SIPA1L3: variants seen among roughly 807,000 people sequenced by gnomAD.
SIPA1L3 encodes the protein signal-induced proliferation-associated 1-like protein 3.
Under a neutral mutation model 150.1 loss-of-function variants are expected in SIPA1L3, and 59 were observed. The observed-to-expected ratio is 0.39, with a 90% confidence interval of 0.32 to 0.49. The LOEUF (loss-of-function observed/expected upper bound fraction) is 0.49. Ranked by LOEUF, SIPA1L3 falls within the 20% of genes least tolerant of loss-of-function variation. SIPA1L3 has a pLI of 0.86. For missense variants in SIPA1L3, 2,211 were observed against 2,489.5 expected (o/e 0.89, Z 2.38); for synonymous variants, 1,070 against 1,077.6 (o/e 0.99, Z 0.14).
chr19:37,907,553 C>T (rs1361475558), intron 1 of SIPA1L3, 195 bp downstream of exon 1: 1 of 152,220 alleles, frequency 6.6e-6, no homozygotes, highest in East Asian at 1.9e-4. Context: ...GGCGTGCACC[C>T]CGGCGCTGTG....
intron 1 of SIPA1L3, among the ~76,000 whole-genome samples, chr19:37,967,349 G>C (rs1010416597): frequency 5.3e-5 from 8 of 151,736 alleles, no homozygotes; most frequent in African/African-American, 1.9e-4. Flanking sequence ...GCCTCCCTGG[G>C]TTCAAGCAGT....
chr19:38,006,437 G>T (rs1967940849), intron 1 of SIPA1L3, among the ~76,000 whole-genome samples: 1 of 152,146 alleles, frequency 6.6e-6, no homozygotes, highest in African/African-American at 2.4e-5. Context: ...GGCAAGAAAG[G>T]TAGGAGGGCT....
intron 15 of SIPA1L3, among the ~76,000 whole-genome samples, chr19:38,172,717 C>T (rs1443559687): frequency 6.6e-6 from 1 of 152,040 alleles, no homozygotes; most frequent in East Asian, 1.9e-4. Flanking sequence ...CTGGTTCTAG[C>T]GGGCATATTG....
At chr19:38,111,720 C>T (rs1193824934) in intron 8 of SIPA1L3, among the ~76,000 whole-genome samples, 1 of 152,212 alleles carries the variant, frequency 6.6e-6, no homozygotes, top group Admixed American at 6.5e-5. Context: ...CATGGCAGGG[C>T]CTCCTTACAG....
chr19:38,065,312 CTG>C (rs1266756694), intron 2 of SIPA1L3, among the ~76,000 whole-genome samples: 1 of 151,912 alleles, frequency 6.6e-6, no homozygotes, highest in East Asian at 1.9e-4. Context: ...AGAGCTCTAA[CTG>C]TGCAGCTTGG....
chr19:38,000,674 CTTT>C (rs35100127), intron 1 of SIPA1L3, among the ~76,000 whole-genome samples: 3 of 132,648 alleles, frequency 2.3e-5, no homozygotes, highest in Non-Finnish European at 4.7e-5. Context: ...GGGCAAAAGA[CTTT>C]TTTTTTTTTT....
chr19:37,967,792 ATTTAT>A (rs2145586127), intron 1 of SIPA1L3, among the ~76,000 whole-genome samples: 2 of 152,238 alleles, frequency 1.3e-5, no homozygotes, highest in Admixed American at 1.3e-4. Context: ...AAAGTTATTT[ATTTAT>A]TTAGAGACTG....
At chr19:37,945,890 C>T (rs569357852) in intron 1 of SIPA1L3, among the ~76,000 whole-genome samples, 3 of 151,984 alleles carry the variant, frequency 2.0e-5, no homozygotes, top group African/African-American at 7.3e-5. Context: ...CGTGGTGGCT[C>T]ACGCCTGTAA....
chr19:38,061,004 T>C (rs963103679), intron 2 of SIPA1L3, among the ~76,000 whole-genome samples: 1 of 152,072 alleles, frequency 6.6e-6, no homozygotes, highest in Non-Finnish European at 1.5e-5. Context: ...AAGTACTAAC[T>C]TCTTAAATGT....
chr19:38,176,776 A>G (rs1476601052), intron 15 of SIPA1L3, among the ~76,000 whole-genome samples: 1 of 152,112 alleles, frequency 6.6e-6, no homozygotes, highest in Non-Finnish European at 1.5e-5. Flanking sequence ...GTTCAAGACC[A>G]GCCTGACCAA....
chr19:38,048,928 C>A (rs529649862), intron 2 of SIPA1L3, among the ~76,000 whole-genome samples: 1 of 152,178 alleles, frequency 6.6e-6, no homozygotes, highest in East Asian at 1.9e-4. Flanking sequence ...ACTAAAAATA[C>A]AAAAATTAGC....
intron 15 of SIPA1L3, among the ~76,000 whole-genome samples, chr19:38,176,709 C>T (rs564865710): frequency 2.6e-5 from 4 of 152,180 alleles, no homozygotes; most frequent in Non-Finnish European, 5.9e-5. Context: ...TGGAGGCTTA[C>T]ACCTGTAATC....
At chr19:37,950,076 C>CAAAAAAAA (rs35506284) in intron 1 of SIPA1L3, among the ~76,000 whole-genome samples, 1 of 55,708 alleles carries the variant, frequency 1.8e-5, no homozygotes, top group Non-Finnish European at 3.7e-5. Context: ...GACTGTGTCT[C>CAAAAAAAA]AAAAAAAAAA....
chr19:37,994,978 T>C (rs1291401427), intron 1 of SIPA1L3, among the ~76,000 whole-genome samples: 1 of 152,210 alleles, frequency 6.6e-6, no homozygotes, highest in Non-Finnish European at 1.5e-5. Flanking sequence ...TCGTTCGTGC[T>C]GGTGGGGTTG....
At chr19:38,179,651 T>TATA in intron 15 of SIPA1L3, among the ~76,000 whole-genome samples, 1 of 152,186 alleles carries the variant, frequency 6.6e-6, no homozygotes, top group South Asian at 2.1e-4. Context: ...CATATGTGTT[T>TATA]TAACCCAGCA....
chr19:38,058,537 G>A (rs942063851), intron 2 of SIPA1L3, among the ~76,000 whole-genome samples: 17 of 152,078 alleles, frequency 1.1e-4, no homozygotes, highest in African/African-American at 3.4e-4. Context: ...CTCTGGGCTC[G>A]GAGGGAGTGC....
intron 1 of SIPA1L3, among the ~76,000 whole-genome samples, chr19:37,936,195 A>G (rs2046598676): frequency 6.6e-6 from 1 of 152,102 alleles, no homozygotes. Flanking sequence ...ACTTTGTGAC[A>G]TGGCCACTCC....
At chr19:37,931,965 G>A (rs2046557921) in intron 1 of SIPA1L3, among the ~76,000 whole-genome samples, 1 of 152,188 alleles carries the variant, frequency 6.6e-6, no homozygotes, top group Admixed American at 6.5e-5. Context: ...TTCATATGTA[G>A]CACTTAGAAC....
At position 38,198,548 on chromosome 19, in the gene SIPA1L3, C is replaced by T; in HGVS notation, c.4984+16C>T. ...GCATACGAAGGTAGGCGCCTTCCAC[C>T]CAGTCCCGCCAGGCCCCCACCCCGT... is the stretch of plus-strand genomic sequence containing the variant. On this transcript the variant is annotated intron_variant, in intron 19 of 21. Coordinates refer to ENST00000222345, the MANE Select transcript of SIPA1L3 (RefSeq NM_015073.3). 6.7e-7 allele frequency: 1 copy of T among 1,500,304 alleles called. No individual in the cohort carries two copies. Among genetic ancestry groups the T allele is most frequent in the Non-Finnish European group, 8.9e-7 (1 of 1,123,488 alleles). The allele number at this position is 1,500,304 out of a possible 1,614,324, so 92.9% of individuals were successfully genotyped here.
Sources: allele counts gnomAD v4.1 joint callset (sites outside exome capture counted in the v4.1 genomes callset), GRCh38; gene constraint gnomAD v4.1.1; transcripts MANE v1.5; gene names NCBI Gene and HGNC (gene_info 2026-07-23, HGNC 2026-07-21).